PABPC4L: variants seen among roughly 807,000 people sequenced by gnomAD.
The protein encoded by PABPC4L is polyadenylate-binding protein 4-like.
For missense variants in PABPC4L, 452 were observed against 451.4 expected, an observed-to-expected ratio of 1.00 and a Z score of -0.01; for synonymous variants, 169 against 164.1, an observed-to-expected ratio of 1.03 and a Z score of -0.23.
chr4:134,006,680 G>A, the PABPC4L span, among the ~76,000 whole-genome samples: 199 of 151,832 alleles, frequency 1.3e-3, 3 homozygotes, highest in Non-Finnish European at 1.0e-3. Context: ...TATGTTCAAG[G>A]TATTTGGGAG....
At chr4:134,176,108 AAAT>A in the PABPC4L span, among the ~76,000 whole-genome samples, 1 of 152,184 alleles carries the variant, frequency 6.6e-6, no homozygotes, top group East Asian at 1.9e-4. Context: ...ATCAGAAAGA[AAAT>A]AACATCTTGC....
the PABPC4L span, among the ~76,000 whole-genome samples, chr4:134,156,811 G>A: frequency 0.7 from 105,464 of 151,550 alleles, 38,040 homozygotes; most frequent in East Asian, 1. Flanking sequence ...GCCTTTCCAA[G>A]CCAGTCCTTT....
chr4:134,025,832 G>T, the PABPC4L span, among the ~76,000 whole-genome samples: 3 of 151,960 alleles, frequency 2.0e-5, no homozygotes, highest in Non-Finnish European at 2.9e-5. Context: ...AATGATAAGA[G>T]AAAATATTTT....
chr4:134,007,063 A>C, the PABPC4L span, among the ~76,000 whole-genome samples: 1 of 151,842 alleles, frequency 6.6e-6, no homozygotes, highest in East Asian at 1.9e-4. Context: ...AATGTTTTGG[A>C]ATAGATAAGA....
the PABPC4L span, among the ~76,000 whole-genome samples, chr4:134,176,734 G>A: frequency 1.2e-4 from 19 of 152,082 alleles, no homozygotes; most frequent in African/African-American, 4.1e-4. Context: ...GGCTCAACAC[G>A]AAGCCAGGAG....
At chr4:134,174,923 A>G in the PABPC4L span, among the ~76,000 whole-genome samples, 17 of 152,276 alleles carry the variant, frequency 1.1e-4, no homozygotes, top group African/African-American at 4.1e-4. Context: ...ATAGTAGGGT[A>G]AATTTTTCAT....
At chr4:134,104,055 T>C in the PABPC4L span, among the ~76,000 whole-genome samples, 1 of 151,884 alleles carries the variant, frequency 6.6e-6, no homozygotes, top group South Asian at 2.1e-4. Context: ...TTTAGTGACA[T>C]TCAAAAATAC....
At chr4:134,097,051 T>C in the PABPC4L span, among the ~76,000 whole-genome samples, 139 of 152,070 alleles carry the variant, frequency 9.1e-4, no homozygotes, top group African/African-American at 3.1e-3. Flanking sequence ...AAGTAGTGTG[T>C]AATTGTTTTA....
At chr4:133,977,589 G>A in the PABPC4L span, among the ~76,000 whole-genome samples, 1 of 152,034 alleles carries the variant, frequency 6.6e-6, no homozygotes, top group Non-Finnish European at 1.5e-5. Flanking sequence ...ATTTCCTTTA[G>A]CAATGGTTTG....
the PABPC4L span, among the ~76,000 whole-genome samples, chr4:133,996,870 AC>A: frequency 7.1e-3 from 1,084 of 152,104 alleles, 5 homozygotes; most frequent in Non-Finnish European, 0.012. Flanking sequence ...AACATTGTCG[AC>A]CCCCTAGTAG....
At chr4:133,977,674 T>C in the PABPC4L span, among the ~76,000 whole-genome samples, 24 of 152,306 alleles carry the variant, frequency 1.6e-4, no homozygotes, top group Non-Finnish European at 3.2e-4. Context: ...TGGATACACA[T>C]ATATTTACAT....
the PABPC4L span, among the ~76,000 whole-genome samples, chr4:134,124,121 A>C: frequency 6.6e-6 from 1 of 152,080 alleles, no homozygotes; most frequent in African/African-American, 2.4e-5. Flanking sequence ...AATCATGGGA[A>C]GAGTATGGTG....
At chr4:134,067,317 A>G in the PABPC4L span, among the ~76,000 whole-genome samples, 2 of 152,204 alleles carry the variant, frequency 1.3e-5, no homozygotes, top group Non-Finnish European at 2.9e-5. Context: ...GCTTACGTAC[A>G]TAGAGATGTT....
the PABPC4L span, among the ~76,000 whole-genome samples, chr4:134,132,393 G>T: frequency 6.6e-6 from 1 of 151,872 alleles, no homozygotes; most frequent in Admixed American, 6.6e-5. Flanking sequence ...TCATCAAAAA[G>T]TGAGCTAAAG....
the PABPC4L span, among the ~76,000 whole-genome samples, chr4:134,079,860 T>C: frequency 6.6e-6 from 1 of 152,058 alleles, no homozygotes; most frequent in East Asian, 1.9e-4. Context: ...AAATGCTTTC[T>C]ATTTGTGTTA....
chr4:134,056,415 A>G, the PABPC4L span, among the ~76,000 whole-genome samples: 1 of 151,962 alleles, frequency 6.6e-6, no homozygotes, highest in Admixed American at 6.6e-5. Flanking sequence ...AAATCTGTAT[A>G]TCAATTTGAA....
chr4:133,997,245 G>T, the PABPC4L span, among the ~76,000 whole-genome samples: 2 of 152,150 alleles, frequency 1.3e-5, no homozygotes, highest in Non-Finnish European at 2.9e-5. Context: ...AGCCAGAAAT[G>T]ATTATGTTTT....
the PABPC4L span, among the ~76,000 whole-genome samples, chr4:134,010,945 T>C: frequency 6.6e-6 from 1 of 152,162 alleles, no homozygotes; most frequent in Admixed American, 6.6e-5. Flanking sequence ...ATATAGCAAG[T>C]TTGAAGAATA....
At chr4:134,022,890 T>G in the PABPC4L span, among the ~76,000 whole-genome samples, 9 of 152,156 alleles carry the variant, frequency 5.9e-5, no homozygotes, top group Non-Finnish European at 1.3e-4. Flanking sequence ...TCTTTAAAAT[T>G]TGAATACTAT....
Sources: allele counts gnomAD v4.1 joint callset (sites outside exome capture counted in the v4.1 genomes callset), GRCh38; gene constraint gnomAD v4.1.1; transcripts MANE v1.5; gene names NCBI Gene and HGNC (gene_info 2026-07-23, HGNC 2026-07-21).